LRMDA: variants seen among roughly 807,000 people sequenced by gnomAD.
The protein encoded by LRMDA is leucine-rich melanocyte differentiation-associated protein.
LRMDA carries 18 observed loss-of-function variants against 29.8 expected under a neutral mutation model. That is an observed-to-expected ratio of 0.60 (90% confidence interval 0.42 to 0.90). The LOEUF is 0.90. LRMDA is among the 40% of genes least tolerant of loss of function. The pLI, the probability that LRMDA is intolerant of heterozygous loss-of-function variation, is 0.00. For synonymous variants in LRMDA, 125 were observed against 109.4 expected (o/e 1.14, Z -0.89); for missense variants, 273 against 273.9 (o/e 1.00, Z 0.02).
intron 2 of LRMDA, among the ~76,000 whole-genome samples, chr10:75,964,233 GA>G: frequency 6.6e-6 from 1 of 152,166 alleles, no homozygotes; most frequent in African/African-American, 2.4e-5. Context: ...CTATTATGCA[GA>G]AAATATGTTA....
Position 76,271,447 on chromosome 10 carries a change from T to TA in LRMDA, c.517-52945dup, listed in dbSNP as rs1219363927. On this transcript the variant is annotated intron_variant, in intron 5 of 6. Transcript: ENST00000611255. The stretch of plus-strand genomic sequence containing the variant: ...TTCCTACCTTATAAAATTTCCATGC[T>TA]AAAAAAAAATAATCCATGCTTTTTC... 2.0e-4 allele frequency among the ~76,000 whole-genome samples: 30 copies of TA among 151,226 alleles called. No homozygotes were observed. The East Asian group carries it at 5.2e-3, about 26-fold the overall frequency.
At chr10:76,071,846 T>C (rs1298449693) in intron 5 of LRMDA, among the ~76,000 whole-genome samples, 1 of 152,212 alleles carries the variant, frequency 6.6e-6, no homozygotes, top group Non-Finnish European at 1.5e-5. Context: ...AAAAATGAAT[T>C]TGACCATGAT....
chr10:75,794,210 ATG>A (rs1281201188), intron 2 of LRMDA, among the ~76,000 whole-genome samples: 1 of 152,232 alleles, frequency 6.6e-6, no homozygotes, highest in African/African-American at 2.4e-5. Flanking sequence ...CACAGATCTT[ATG>A]TGTGTTATTC....
intron 2 of LRMDA, among the ~76,000 whole-genome samples, chr10:75,572,401 G>A (rs1036825404): frequency 6.6e-6 from 1 of 151,730 alleles, no homozygotes; most frequent in Non-Finnish European, 1.5e-5. Flanking sequence ...CAAAGCACAG[G>A]CTTTGTTTTA....
chr10:75,904,630 T>A (rs1035372748), intron 2 of LRMDA, among the ~76,000 whole-genome samples: 1 of 152,154 alleles, frequency 6.6e-6, no homozygotes, highest in Non-Finnish European at 1.5e-5. Context: ...AGCGAGGGAA[T>A]TGTTTGTCCC....
intron 2 of LRMDA, among the ~76,000 whole-genome samples, chr10:75,765,936 G>A (rs1843158287): frequency 6.6e-6 from 1 of 152,154 alleles, no homozygotes; most frequent in Admixed American, 6.5e-5. Context: ...CATGGAGTAT[G>A]CAATCAGATA....
chr10:76,314,672 G>C (rs541607402), intron 5 of LRMDA, among the ~76,000 whole-genome samples: 3 of 152,106 alleles, frequency 2.0e-5, no homozygotes, highest in Admixed American at 6.5e-5. Context: ...GTTAAATAAG[G>C]TAATTTATTC....
intron 2 of LRMDA, among the ~76,000 whole-genome samples, chr10:75,618,211 A>G (rs541994489): frequency 2.3e-4 from 35 of 149,384 alleles, no homozygotes; most frequent in Admixed American, 6.9e-4. Context: ...GTAATTACAG[A>G]CTTATGAAGA....
intron 2 of LRMDA, among the ~76,000 whole-genome samples, chr10:75,650,759 G>A (rs919370398): frequency 6.6e-6 from 1 of 152,174 alleles, no homozygotes; most frequent in East Asian, 1.9e-4. Flanking sequence ...GATTTCTGGT[G>A]AGTGTGAGGG....
At chr10:76,188,128 C>T (rs1158736904) in intron 5 of LRMDA, among the ~76,000 whole-genome samples, 1 of 152,126 alleles carries the variant, frequency 6.6e-6, no homozygotes, top group East Asian at 1.9e-4. Flanking sequence ...GCTTTCATTT[C>T]CTGGGCAGAG....
chr10:76,346,693 A>G (rs1564730929), intron 6 of LRMDA: 1 of 152,204 alleles, frequency 6.6e-6, no homozygotes, highest in Non-Finnish European at 1.5e-5. Context: ...GATCTCATTT[A>G]ATCCGGGAAA....
At chr10:75,550,885 A>G (rs1380395597) in intron 2 of LRMDA, among the ~76,000 whole-genome samples, 2 of 152,128 alleles carry the variant, frequency 1.3e-5, no homozygotes, top group Non-Finnish European at 2.9e-5. Context: ...TTACCTTCAG[A>G]TAATACATTG....
intron 5 of LRMDA, among the ~76,000 whole-genome samples, chr10:76,231,228 G>A (rs943668347): frequency 6.6e-6 from 1 of 152,192 alleles, no homozygotes; most frequent in Non-Finnish European, 1.5e-5. Flanking sequence ...TTATATTTGA[G>A]ATTAAGGAGG....
intron 5 of LRMDA, among the ~76,000 whole-genome samples, chr10:76,213,201 T>C (rs1239534188): frequency 6.6e-6 from 1 of 152,240 alleles, no homozygotes; most frequent in East Asian, 1.9e-4. Context: ...CAGACCTGCT[T>C]TGCATTGGCA....
intron 5 of LRMDA, among the ~76,000 whole-genome samples, chr10:76,127,171 A>AT (rs1849898568): frequency 6.6e-6 from 1 of 152,214 alleles, no homozygotes; most frequent in African/African-American, 2.4e-5. Flanking sequence ...AAATAAGGTC[A>AT]TTTTTTAATT....
At chr10:75,582,939 T>G (rs1478572259) in intron 2 of LRMDA, among the ~76,000 whole-genome samples, 3 of 152,222 alleles carry the variant, frequency 2.0e-5, no homozygotes, top group Non-Finnish European at 4.4e-5. Flanking sequence ...GGGCAGGCTC[T>G]TTGTACTCAA....
At chr10:76,275,033 A>AG (rs1489181912) in intron 5 of LRMDA, among the ~76,000 whole-genome samples, 1 of 152,162 alleles carries the variant, frequency 6.6e-6, no homozygotes, top group Non-Finnish European at 1.5e-5. Flanking sequence ...TTCTTACTCC[A>AG]GCCCTAACTG....
chr10:76,244,267 A>G (rs2132288658), intron 5 of LRMDA, among the ~76,000 whole-genome samples: 2 of 152,292 alleles, frequency 1.3e-5, no homozygotes, highest in East Asian at 3.9e-4. Flanking sequence ...TGCCTGGTAC[A>G]TGACAGGCAT....
chr10:75,873,839 T>A (rs947656864), intron 2 of LRMDA, among the ~76,000 whole-genome samples: 1 of 152,180 alleles, frequency 6.6e-6, no homozygotes, highest in African/African-American at 2.4e-5. Context: ...GTGGCAGAAT[T>A]GTGACTACCT....
Sources: gnomAD v4.1 joint callset for allele counts (sites outside exome capture counted in the v4.1 genomes callset) on GRCh38, gnomAD v4.1.1 for gene constraint, MANE v1.5 for transcripts, NCBI Gene and HGNC (gene_info 2026-07-23, HGNC 2026-07-21) for gene names.